Variants in FICD observed in about 807,000 individuals in gnomAD.
The protein encoded by FICD is protein adenylyltransferase FICD.
FICD carries 13 observed loss-of-function variants against 28.0 expected under a neutral mutation model. That is an observed-to-expected ratio of 0.46 (90% confidence interval 0.30 to 0.74). The LOEUF is 0.74. Among genes scored for constraint, FICD ranks in the 30% least tolerant of loss-of-function variants. The pLI is 0.07. For missense variants in FICD, 576 were observed against 624.5 expected, an observed-to-expected ratio of 0.92 and a Z score of 0.83; for synonymous variants, 268 against 266.4, an observed-to-expected ratio of 1.01 and a Z score of -0.06.
Position 108,518,538 on chromosome 12 carries a change from G to A in FICD, c.440G>A (p.Gly147Asp). 6.2e-7 allele frequency: 1 copy of A among 1,614,196 alleles called. No homozygotes were observed. Among genetic ancestry groups the A allele is most frequent in the Non-Finnish European group, 8.5e-7 (1 of 1,180,038 alleles). Reference protein sequence around the residue: ...PDFVDALTEFGIFSEEDKDII... With the variant: ...PDFVDALTEFDIFSEEDKDII... ...TTCGTGGACGCGCTCACCGAGTTTG[G>A]CATCTTCTCGGAAGAAGACAAGGAC... The change falls in exon 3 of 3, where the codon GGC (glycine) becomes GAC (aspartate). Residue 147 changes from glycine (G) to aspartate (D), a missense_variant. Gly to Asp is a moderately conservative substitution (Grantham distance 94). Transcript: ENST00000552695. This position sits in a 1 kb window ranked among gnomAD's most constrained non-coding sequence, Gnocchi z 4.4.
rs370547934 is a variant in FICD at position 108,517,154 on chromosome 12, T to C, written c.182T>C (p.Leu61Pro). 2 of 1,606,922 alleles carry C rather than the reference T, an allele frequency of 1.2e-6. No homozygotes were observed. The highest frequency in any genetic ancestry group is 1.7e-6 in the Non-Finnish European group (2 of 1,176,864). Residue 61 changes from leucine (L) to proline (P), a missense_variant, in exon 2 of 3, where the codon CTC becomes CCC. Transcript: ENST00000552695. Reference protein sequence around the residue: ...CLAVLKGLYLLRSKPDRAQHA... With the variant: ...CLAVLKGLYLPRSKPDRAQHA... The stretch of plus-strand genomic sequence containing the variant: ...GCTGTGCTCAAAGGCCTCTACCTGC[T>C]CAGGAGCAAACCGGACAGGGCGCAG...
At position 108,516,694 on chromosome 12, in the gene FICD, T is replaced by C. The variant is rs113107473; in HGVS notation, c.-58-221T>C. The stretch of plus-strand genomic sequence containing the variant: ...CTGGATTATGGCAAGTGCTCATTAA[T>C]TGTTGGACCACAGCAGTGTTTTCAC... On this transcript the variant is annotated intron_variant, in intron 1 of 2. Coordinates refer to ENST00000552695, the MANE Select transcript of FICD (RefSeq NM_007076.3). 2.8e-3 allele frequency among the ~76,000 whole-genome samples: 433 copies of C among 152,314 alleles called. 3 individuals carry two copies. The highest frequency in any genetic ancestry group is 9.9e-3 in the African/African-American group (411 of 41,560).
Position 108,517,060 on chromosome 12 carries a change from C to T in FICD, c.88C>T (p.Leu30=), listed in dbSNP as rs143126238. The T allele has an allele frequency of 3.7e-6, 6 of 1,601,508 alleles. No individual in the cohort carries two copies. The highest frequency in any genetic ancestry group is 1.7e-5 in the Admixed American group (1 of 58,486). The change falls in exon 2 of 3, where the codon CTG becomes TTG. Residue 30 remains leucine (L), a synonymous_variant. Coordinates refer to ENST00000552695, the MANE Select transcript of FICD (RefSeq NM_007076.3). ...VWSRFLWVTL[L]SMVLGSLLAL... ...GAGCCGCTTCCTCTGGGTGACGCTG[C>T]TGAGCATGGTGCTGGGGTCCCTGCT... is the stretch of plus-strand genomic sequence containing the variant.
Position 108,518,044 on chromosome 12 carries a change from G to C in FICD, c.302-356G>C. ...GGAGATGTAGGAGACGGCCTACACT[G>C]GGAGCTGTGGCCCACAGGAAAGGCC... On this transcript the variant is annotated intron_variant, in intron 2 of 2. Coordinates refer to ENST00000552695, the MANE Select transcript of FICD (RefSeq NM_007076.3). The surrounding 1 kb of genome is among the most constrained non-coding windows in gnomAD (Gnocchi z 4.4). The C allele has an allele frequency of 1.5e-6, 1 of 687,712 alleles. No individual in the cohort carries two copies. 42.6% of individuals were successfully genotyped at this position (687,712 alleles called of 1,614,324 possible).
At position 108,518,082 on chromosome 12, in the gene FICD, C is replaced by T. The variant is rs1309449922; in HGVS notation, c.302-318C>T. ...CACAGGAAAGGCCCAGCAGAGAGGG[C>T]CCAGGCGAAGTAAATGCCTAGAACT... is the stretch of plus-strand genomic sequence containing the variant. On this transcript the variant is annotated intron_variant, in intron 2 of 2. Transcript: ENST00000552695. The surrounding 1 kb of genome is among the most constrained non-coding windows in gnomAD (Gnocchi z 4.4). The T allele has an allele frequency of 5.7e-6, 4 of 701,032 alleles. No individual in the cohort carries two copies. Among genetic ancestry groups the T allele is most frequent in the African/African-American group, 3.5e-5 (2 of 57,212 alleles). The allele number at this position is 701,032 out of a possible 1,614,324, so 43.4% of individuals were successfully genotyped here.
Position 108,520,059 on chromosome 12 carries a change from T to C in FICD, c.*584T>C, listed in dbSNP as rs1160005873. 1 of 150,886 alleles carries C rather than the reference T, an allele frequency of 6.6e-6. No individual in the cohort carries two copies. The highest frequency in any genetic ancestry group is 2.4e-5 in the African/African-American group (1 of 41,036). 9.3% of individuals were successfully genotyped at this position (150,886 alleles called of 1,614,324 possible). On this transcript the variant is annotated 3_prime_UTR_variant, in exon 3 of 3. Coordinates refer to ENST00000552695, the MANE Select transcript of FICD (RefSeq NM_007076.3). ...ACCTGCAGGAAGACTTTTTGAGCCA[T>C]AGTTTGCAAACTTTAGTGCCAGCAG...
Position 108,518,663 on chromosome 12 carries a change from G to T in FICD, c.565G>T (p.Glu189Ter). Residue 189 changes from glutamate to a stop codon, truncating the protein, a stop_gained, in exon 3 of 3, where the codon GAG becomes TAG. Coordinates refer to ENST00000552695, the MANE Select transcript of FICD (RefSeq NM_007076.3). LOFTEE classifies it high-confidence loss of function. The surrounding 1 kb of genome is among the most constrained non-coding windows in gnomAD (Gnocchi z 4.4). ...NRDRTLPLVE[E>*]IDQRYFSIID... is the part of the protein sequence containing the mutation. ...CGATCGGACACTGCCTCTTGTGGAAGAGATCGACCAGAGGTATTTCAGCAT... is the reference window on the plus strand; with the variant it reads ...CGATCGGACACTGCCTCTTGTGGAATAGATCGACCAGAGGTATTTCAGCAT... The T allele has an allele frequency of 1.9e-6, 3 of 1,614,216 alleles. No homozygotes were observed. The highest frequency in any genetic ancestry group is 1.1e-5 in the South Asian group (1 of 91,084).
At chr12:108,517,877 G>A (rs895894874) in intron 2 of FICD, among the ~76,000 whole-genome samples, 12 of 152,154 alleles carry the variant, frequency 7.9e-5, no homozygotes, top group African/African-American at 2.2e-4. Flanking sequence ...CCCCTGGGGC[G>A]CACAATCAAA....
chr12:108,516,544 C>T lies in FICD; in HGVS notation c.-58-371C>T, dbSNP rs1022434254. 3.9e-5 allele frequency among the ~76,000 whole-genome samples: 6 copies of T among 152,326 alleles called. No individual in the cohort carries two copies. In the South Asian group the frequency reaches 6.2e-4, roughly 16 times the overall value. Reference sequence around the variant, plus strand: ...TGTCACTTGCTCCCGGCGAGACTTTCGGCAAGGGACTTCACCTCTCTGAAC... The same window carrying T: ...TGTCACTTGCTCCCGGCGAGACTTTTGGCAAGGGACTTCACCTCTCTGAAC... On this transcript the variant is annotated intron_variant, in intron 1 of 2. Transcript: ENST00000552695.
At position 108,520,288 on chromosome 12, in the gene FICD, A is replaced by G. The variant is rs557885104; in HGVS notation, c.*813A>G. ...TGAAATTCTCTGGGCTTGTCATTCC[A>G]CCTGTATCGTGCTGCAAACCAGGTG... On this transcript the variant is annotated 3_prime_UTR_variant, in exon 3 of 3. Coordinates refer to ENST00000552695, the MANE Select transcript of FICD (RefSeq NM_007076.3). The G allele has an allele frequency of 6.6e-6, 1 of 151,918 alleles. No individual in the cohort carries two copies. Among genetic ancestry groups the G allele is most frequent in the Admixed American group, 6.5e-5 (1 of 15,272 alleles). 9.4% of individuals were successfully genotyped at this position (151,918 alleles called of 1,614,324 possible).
At chr12:108,517,982 C>A in intron 2 of FICD, 1 of 630,900 alleles carries the variant, frequency 1.6e-6, no homozygotes. Context: ...TTGGGCCTCC[C>A]GGGGCAGGAA....
In FICD at chr12:108,519,337, T is replaced by C. The variant is rs1397062444; in HGVS notation, c.1239T>C (p.Pro413=). 21 of 1,614,054 alleles carry C rather than the reference T, an allele frequency of 1.3e-5. No individual in the cohort carries two copies. Among genetic ancestry groups the C allele is most frequent in the Non-Finnish European group, 1.8e-5 (21 of 1,180,034 alleles). Residue 413 remains proline (P), a synonymous_variant, in exon 3 of 3, where the codon CCT becomes CCC. Transcript: ENST00000552695. The surrounding 1 kb of genome is among the most constrained non-coding windows in gnomAD (Gnocchi z 4.5). ...LEAANEGDVR[P]FIRFIAKCTE... is the part of the protein sequence containing the mutation. ...CTGCCAACGAGGGCGACGTGAGGCC[T>C]TTCATTCGCTTCATCGCCAAGTGTA...
At position 108,520,851 on chromosome 12, in the gene FICD, T is replaced by C. The variant is rs1421316642; in HGVS notation, c.*1376T>C. 1 of 152,256 alleles carries C rather than the reference T, an allele frequency of 6.6e-6. No individual in the cohort carries two copies. The highest frequency in any genetic ancestry group is 1.5e-5 in the Non-Finnish European group (1 of 68,048). 9.4% of individuals were successfully genotyped at this position (152,256 alleles called of 1,614,324 possible). On this transcript the variant is annotated 3_prime_UTR_variant, in exon 3 of 3. Transcript: ENST00000552695. Reference sequence around the variant, plus strand: ...CAGTGTTGTCTCTTTGATTTGGTAATTCCGTTCCTGACAGTAATGAGGCCA... The same window carrying C: ...CAGTGTTGTCTCTTTGATTTGGTAACTCCGTTCCTGACAGTAATGAGGCCA...
intron 1 of FICD, among the ~76,000 whole-genome samples, chr12:108,515,743 C>T (rs1320564908): frequency 4.6e-5 from 7 of 152,186 alleles, no homozygotes; most frequent in East Asian, 1.9e-4. Flanking sequence ...GGCCAGGATC[C>T]CCATGAGACT....
At chr12:108,517,336 C>A in intron 2 of FICD, 63 bp downstream of exon 2, 1 of 1,351,318 alleles carries the variant, frequency 7.4e-7, no homozygotes, top group Non-Finnish European at 9.8e-7. Flanking sequence ...TAGAATGTGT[C>A]ATGTCCTGTA....
chr12:108,518,930 C>G lies in FICD; in HGVS notation c.832C>G (p.Leu278Val), dbSNP rs1455724546. ...AGCCATGAAGTACATCAACACGACTCTGGTTTCGCGCATCGGCTCCGTCAC... is the reference window on the plus strand; with the variant it reads ...AGCCATGAAGTACATCAACACGACTGTGGTTTCGCGCATCGGCTCCGTCAC... ...HAAMKYINTT[L>V]VSRIGSVTIS... is the part of the protein sequence containing the mutation. Residue 278 changes from leucine to valine, a missense_variant, in exon 3 of 3, where the codon CTG becomes GTG. Transcript: ENST00000552695. The surrounding 1 kb of genome is among the most constrained non-coding windows in gnomAD (Gnocchi z 4.4). 1 of 1,614,188 alleles carries G rather than the reference C, an allele frequency of 6.2e-7. No homozygotes were observed. The highest frequency in any genetic ancestry group is 8.5e-7 in the Non-Finnish European group (1 of 1,180,040).
rs1872044633 is a variant in FICD, at chr12:108,519,745, G to A, written c.*270G>A. ...TGTCTTGCTGGTGGCCGTGCTTTAG[G>A]GGCAACAGTGCCACCATGTGACCAG... On this transcript the variant is annotated 3_prime_UTR_variant, in exon 3 of 3. Transcript: ENST00000552695. The surrounding 1 kb of genome is among the most constrained non-coding windows in gnomAD (Gnocchi z 4.5). 1 of 343,716 alleles carries A rather than the reference G, an allele frequency of 2.9e-6. No individual in the cohort carries two copies. The highest frequency in any genetic ancestry group is 4.5e-5 in the Admixed American group (1 of 22,372). 21.3% of individuals were successfully genotyped at this position (343,716 alleles called of 1,614,324 possible).
In FICD at chr12:108,518,770, C is replaced by T. The variant is rs766593011; in HGVS notation, c.672C>T (p.Tyr224=). ...ALRRVMEETY[Y]HHIYHTVAIE... Reference sequence around the variant, plus strand: ...GCAGGGTCATGGAGGAGACCTACTACCATCACATCTACCACACAGTGGCCA... The same window carrying T: ...GCAGGGTCATGGAGGAGACCTACTATCATCACATCTACCACACAGTGGCCA... The change falls in exon 3 of 3, where the codon TAC becomes TAT. Residue 224 remains tyrosine, a synonymous_variant. Coordinates refer to ENST00000552695, the MANE Select transcript of FICD (RefSeq NM_007076.3). The surrounding 1 kb of genome is among the most constrained non-coding windows in gnomAD (Gnocchi z 4.4). 3 of 1,614,118 alleles carry T rather than the reference C, an allele frequency of 1.9e-6. No homozygotes were observed. Among genetic ancestry groups the T allele is most frequent in the Non-Finnish European group, 2.5e-6 (3 of 1,180,050 alleles).
chr12:108,517,448 T>C, intron 2 of FICD, 175 bp downstream of exon 2: 1 of 498,178 alleles, frequency 2.0e-6, no homozygotes. Context: ...TGGGGAAGCA[T>C]AAAGGGCTGT....
Sources: allele counts gnomAD v4.1 joint callset (sites outside exome capture counted in the v4.1 genomes callset), GRCh38; gene constraint gnomAD v4.1.1; non-coding constraint Gnocchi (gnomAD v3.1); transcripts MANE v1.5; gene names NCBI Gene and HGNC (gene_info 2026-07-23, HGNC 2026-07-21).